The following ADAMTS18 variants were observed in gnomAD, a reference collection of about 807,000 sequenced individuals.
ADAMTS18 encodes A disintegrin and metalloproteinase with thrombospondin motifs 18.
ADAMTS18 carries 157 observed loss-of-function variants against 165.9 expected under a neutral mutation model. That is an observed-to-expected ratio of 0.95 (90% CI 0.83 to 1.08). The LOEUF (loss-of-function observed/expected upper bound fraction) is 1.08. ADAMTS18 is among the 50% of genes least tolerant of loss of function. ADAMTS18 has a pLI of 0.00. For synonymous variants in ADAMTS18, 782 were observed against 578.2 expected, an observed-to-expected ratio of 1.35 and a Z score of -5.06; for missense variants, 2,040 against 1,534.0, an observed-to-expected ratio of 1.33 and a Z score of -5.51.
Position 77,319,972 on chromosome 16 carries a change from G to A in ADAMTS18, c.2409C>T (p.Gly803=), listed in dbSNP as rs772793929. ...SLSQKYYLTG[G]WSIDWPGEFP... ...ACTCCCCAGGCCAGTCGATGCTCCA[G>A]CCCCCGGTGAGGTAATACTTTTGAC... Residue 803 remains glycine (G), a synonymous_variant, in exon 16 of 23, where the codon GGC becomes GGT. Coordinates refer to ENST00000282849, the MANE Select transcript of ADAMTS18 (RefSeq NM_199355.4). 4.3e-6 allele frequency: 7 copies of A among 1,614,066 alleles called. No individual in the cohort carries two copies. The highest frequency in any genetic ancestry group is 5.9e-6 in the Non-Finnish European group (7 of 1,180,040).
intron 3 of ADAMTS18, among the ~76,000 whole-genome samples, chr16:77,408,385 A>G (rs1297473529): frequency 2.0e-5 from 3 of 152,166 alleles, no homozygotes; most frequent in African/African-American, 7.2e-5. Flanking sequence ...CATTTGAACC[A>G]TAAGACCTGC....
chr16:77,367,830 G>A (rs2056821454), intron 3 of ADAMTS18, 107 bp from the exon 4 acceptor site: 1 of 1,290,508 alleles, frequency 7.7e-7, no homozygotes, highest in African/African-American at 1.5e-5. Flanking sequence ...GGGCACAGGA[G>A]CTAAAAGCTT....
Position 77,434,844 on chromosome 16 carries a change from C to T in ADAMTS18, c.-149G>A. On this transcript the variant is annotated 5_prime_UTR_variant, in exon 1 of 23. Coordinates refer to ENST00000282849, the MANE Select transcript of ADAMTS18 (RefSeq NM_199355.4). ...CGCCGTTCACATCGCAGCGGGGGCGCGCTGGGACCTCCCCTCCTCCGGCCG... is the reference window on the plus strand; with the variant it reads ...CGCCGTTCACATCGCAGCGGGGGCGTGCTGGGACCTCCCCTCCTCCGGCCG... The T allele has an allele frequency of 1.7e-6, 1 of 584,706 alleles. No homozygotes were observed. Among genetic ancestry groups the T allele is most frequent in the Non-Finnish European group, 2.5e-6 (1 of 392,822 alleles). 36.2% of individuals were successfully genotyped at this position (584,706 alleles called of 1,614,324 possible).
Position 77,283,814 on chromosome 16 carries a change from G to A in ADAMTS18, c.*142C>T. ...CTAGAAGCCTACTGGCAACCTGTCT[G>A]TTCCTCAGAGCAGGCTCCTTCATCA... On this transcript the variant is annotated 3_prime_UTR_variant, in exon 23 of 23. Transcript: ENST00000282849. The A allele has an allele frequency of 1.5e-6, 1 of 677,910 alleles. No homozygotes were observed. Among genetic ancestry groups the A allele is most frequent in the Non-Finnish European group, 2.6e-6 (1 of 379,074 alleles). 42.0% of individuals were successfully genotyped at this position (677,910 alleles called of 1,614,324 possible). A position where few individuals can be genotyped will look rare whatever the true frequency, so the allele number is the denominator to read the frequency against.
intron 3 of ADAMTS18, among the ~76,000 whole-genome samples, chr16:77,387,639 G>T (rs531160542): frequency 6.6e-6 from 1 of 152,114 alleles, no homozygotes; most frequent in African/African-American, 2.4e-5. Flanking sequence ...TACAAGCTGC[G>T]TATCAGTGGC....
chr16:77,287,002 TG>T (rs1289903322), intron 22 of ADAMTS18, among the ~76,000 whole-genome samples: 1 of 152,146 alleles, frequency 6.6e-6, no homozygotes, highest in Admixed American at 6.5e-5. Context: ...GCACTCAGTA[TG>T]GGCAGGGATC....
At chr16:77,314,241 G>A (rs1011631638) in intron 16 of ADAMTS18, among the ~76,000 whole-genome samples, 8 of 152,050 alleles carry the variant, frequency 5.3e-5, no homozygotes, top group African/African-American at 1.9e-4. Flanking sequence ...TGGGACTAGA[G>A]GTTTTCTTAA....
intron 3 of ADAMTS18, among the ~76,000 whole-genome samples, chr16:77,376,814 T>G (rs1448530817): frequency 1.2e-5 from 1 of 84,322 alleles, no homozygotes; most frequent in African/African-American, 4.4e-5. Flanking sequence ...TCATTCTTTT[T>G]TTTTTTTTTT....
At chr16:77,419,955 G>A (rs989669259) in intron 3 of ADAMTS18, among the ~76,000 whole-genome samples, 2 of 135,924 alleles carry the variant, frequency 1.5e-5, no homozygotes, top group Non-Finnish European at 3.1e-5. Context: ...ACCGCATCAC[G>A]CCACTGCACT....
chr16:77,310,956 A>C (rs1285847740), intron 16 of ADAMTS18, among the ~76,000 whole-genome samples: 7 of 152,184 alleles, frequency 4.6e-5, no homozygotes, highest in African/African-American at 1.7e-4. Flanking sequence ...CTGGACACTG[A>C]ATGTTTTTTA....
In ADAMTS18 at chr16:77,335,861, G is replaced by A; in HGVS notation, c.1754C>T (p.Pro585Leu). ...GGACCACTGGCCGTGGATGGGCCGGGGCCCGAGCTCCCCAAACTTTACGCA... is the reference window on the plus strand; with the variant it reads ...GGACCACTGGCCGTGGATGGGCCGGAGCCCGAGCTCCCCAAACTTTACGCA... ...GQCVKFGELG[P>L]RPIHGQWSAW... The change falls in exon 12 of 23, where the codon CCC (proline) becomes CTC (leucine). Residue 585 changes from proline (P) to leucine (L), a missense_variant. Transcript: ENST00000282849. 1 of 1,614,150 alleles carries A rather than the reference G, an allele frequency of 6.2e-7. No homozygotes were observed.
intron 10 of ADAMTS18, among the ~76,000 whole-genome samples, chr16:77,352,833 G>A (rs531942990): frequency 3.9e-5 from 6 of 152,186 alleles, no homozygotes; most frequent in African/African-American, 9.6e-5. Flanking sequence ...AGTATGGGCC[G>A]GGCGGGGTGG....
intron 8 of ADAMTS18, among the ~76,000 whole-genome samples, 180 bp from the exon 9 acceptor site, chr16:77,356,257 T>A (rs1372085029): frequency 2.0e-5 from 3 of 152,166 alleles, no homozygotes; most frequent in African/African-American, 7.2e-5. Flanking sequence ...ACAGAAAACT[T>A]TAAAAATGCT....
intron 12 of ADAMTS18, among the ~76,000 whole-genome samples, chr16:77,327,379 T>C (rs564333013): frequency 3.8e-4 from 58 of 152,298 alleles, no homozygotes; most frequent in African/African-American, 1.4e-3. Context: ...ATCATTCTTA[T>C]GCCTTTGCAT....
chr16:77,433,039 T>A (rs535475382), intron 2 of ADAMTS18, among the ~76,000 whole-genome samples: 2 of 152,218 alleles, frequency 1.3e-5, no homozygotes, highest in Admixed American at 6.5e-5. Flanking sequence ...GGGGGAAAAG[T>A]TTTTCCCCTC....
chr16:77,358,045 C>T (rs1222744561), intron 8 of ADAMTS18, among the ~76,000 whole-genome samples: 13 of 152,334 alleles, frequency 8.5e-5, no homozygotes. Flanking sequence ...CTTAGACATA[C>T]ATTTGATATG....
chr16:77,315,241 A>T (rs2055866243), intron 16 of ADAMTS18, among the ~76,000 whole-genome samples: 2 of 152,160 alleles, frequency 1.3e-5, no homozygotes, highest in Admixed American at 6.5e-5. Context: ...AATAGATTGC[A>T]TGGTCTTAAA....
chr16:77,402,055 G>A (rs1334632320), intron 3 of ADAMTS18, among the ~76,000 whole-genome samples: 1 of 152,126 alleles, frequency 6.6e-6, no homozygotes, highest in Non-Finnish European at 1.5e-5. Flanking sequence ...GAAATTTTCA[G>A]CTTCCATAGT....
intron 3 of ADAMTS18, among the ~76,000 whole-genome samples, chr16:77,411,705 G>A (rs1262117609): frequency 1.4e-4 from 2 of 14,026 alleles, no homozygotes; most frequent in African/African-American, 6.8e-4. Flanking sequence ...TTTTTTTTTT[G>A]AGACAGAGTC....
Sources: gnomAD v4.1 joint callset for allele counts (sites outside exome capture counted in the v4.1 genomes callset) on GRCh38, gnomAD v4.1.1 for gene constraint, MANE v1.5 for transcripts, NCBI Gene and HGNC (gene_info 2026-07-23, HGNC 2026-07-21) for gene names.